The following EPM2A variants were observed in gnomAD, a reference collection of about 807,000 sequenced individuals.
EPM2A encodes the protein laforin.
EPM2A carries 21 observed loss-of-function variants against 26.5 expected under a neutral mutation model. The ratio of observed to expected loss-of-function variants is 0.79; its 90% confidence interval spans 0.56 to 1.14. The LOEUF (loss-of-function observed/expected upper bound fraction) is 1.14, where lower values mean the gene tolerates loss of function less well. EPM2A is among the 50% of genes most tolerant of loss of function. The probability of loss-of-function intolerance (pLI) is 0.00; values close to 1 mark genes in which losing one functional copy is unlikely to be tolerated. For missense variants in EPM2A, 458 were observed against 440.8 expected, an observed-to-expected ratio of 1.04 and a Z score of -0.35; for synonymous variants, 217 against 177.6, an observed-to-expected ratio of 1.22 and a Z score of -1.76.
intron 2 of EPM2A, among the ~76,000 whole-genome samples, chr6:145,660,400 A>T (rs961214809): frequency 1.3e-5 from 2 of 152,192 alleles, no homozygotes; most frequent in Non-Finnish European, 2.9e-5. Flanking sequence ...ACAATAATAC[A>T]TATTTTATTT....
intron 2 of EPM2A, among the ~76,000 whole-genome samples, chr6:145,574,683 C>T (rs561153044): frequency 1.1e-4 from 16 of 152,192 alleles, no homozygotes; most frequent in Non-Finnish European, 2.2e-4. Flanking sequence ...CTATATTAAA[C>T]CAAGGAAGAT....
intron 2 of EPM2A, among the ~76,000 whole-genome samples, chr6:145,562,126 AG>A (rs1391983541): frequency 1.8e-5 from 2 of 108,898 alleles, no homozygotes; most frequent in Non-Finnish European, 4.1e-5. Flanking sequence ...GATTACAAAA[AG>A]GAAAAAAAAA....
intron 2 of EPM2A, among the ~76,000 whole-genome samples, chr6:145,557,641 T>C (rs996344848): frequency 1.3e-5 from 2 of 152,122 alleles, no homozygotes; most frequent in African/African-American, 2.4e-5. Context: ...ATATTTACTG[T>C]GTGCCCACAT....
At chr6:145,680,343 T>TC (rs1780415780) in intron 2 of EPM2A, among the ~76,000 whole-genome samples, 1 of 150,768 alleles carries the variant, frequency 6.6e-6, no homozygotes, top group Non-Finnish European at 1.5e-5. Flanking sequence ...TAATTTCTTT[T>TC]TTTTTTCTGC....
intron 2 of EPM2A, among the ~76,000 whole-genome samples, chr6:145,595,040 C>T (rs1781323913): frequency 1.3e-5 from 2 of 151,590 alleles, no homozygotes. Flanking sequence ...TTAGGCCATA[C>T]TTTTTAAAAT....
At chr6:145,408,310 C>G (rs1291646671) in intron 4 of EPM2A, among the ~76,000 whole-genome samples, 1 of 152,094 alleles carries the variant, frequency 6.6e-6, no homozygotes, top group Non-Finnish European at 1.5e-5. Flanking sequence ...ACCCAGCACC[C>G]TTTCTCTTTG....
chr6:145,514,233 G>A (rs1258335808), intron 2 of EPM2A, among the ~76,000 whole-genome samples: 1 of 152,186 alleles, frequency 6.6e-6, no homozygotes, highest in Non-Finnish European at 1.5e-5. Flanking sequence ...TTGCAAGGGA[G>A]TGTTGGTATT....
At chr6:145,502,482 G>A (rs1779904560) in intron 3 of EPM2A, 1 of 468,384 alleles carries the variant, frequency 2.1e-6, no homozygotes, top group Admixed American at 2.3e-5. Context: ...ACAGCCAGCT[G>A]AGGAAGCTGC....
intron 4 of EPM2A, among the ~76,000 whole-genome samples, chr6:145,478,275 A>C (rs539061887): frequency 1.3e-5 from 2 of 152,018 alleles, no homozygotes; most frequent in South Asian, 4.1e-4. Context: ...GAAGTTGAAG[A>C]GGACACCAAA....
rs2235482 is a variant in EPM2A, at chr6:145,735,340, G to T, written c.159C>A (p.Ala53=). The T allele has an allele frequency of 5.0e-6, 7 of 1,389,224 alleles. No homozygotes were observed. The highest frequency in any genetic ancestry group is 6.6e-6 in the Non-Finnish European group (7 of 1,064,858). 86.1% of individuals were successfully genotyped at this position (1,389,224 alleles called of 1,614,324 possible). The change falls in exon 1 of 4, where the codon GCC becomes GCA. Residue 53 remains alanine, a synonymous_variant. Coordinates refer to ENST00000367519, the MANE Select transcript of EPM2A (RefSeq NM_005670.4). ...CGAGCCACAGGCCCGGCTCCTGCAGGGCCAGGGCCCCGTCGCCCGCCGCGG... is the reference window on the plus strand; with the variant it reads ...CGAGCCACAGGCCCGGCTCCTGCAGTGCCAGGGCCCCGTCGCCCGCCGCGG... ...AGTAAGDGAL[A]LQEPGLWLGE...
intron 2 of EPM2A, among the ~76,000 whole-genome samples, chr6:145,672,213 T>A (rs1048538250): frequency 6.6e-6 from 1 of 152,166 alleles, no homozygotes; most frequent in African/African-American, 2.4e-5. Context: ...ATTTACCAAG[T>A]TTTATATTTT....
intron 2 of EPM2A, among the ~76,000 whole-genome samples, chr6:145,580,768 G>A (rs768785304): frequency 1.3e-5 from 2 of 152,088 alleles, no homozygotes; most frequent in Non-Finnish European, 2.9e-5. Context: ...AGAACATGTC[G>A]TATTTGGTTT....
chr6:145,501,561 A>G (rs1779890297), downstream of EPM2A: 1 of 298,518 alleles, frequency 3.3e-6, no homozygotes, highest in Admixed American at 4.3e-5. Context: ...CCAAAGCACA[A>G]AGCTGAGCTT....
chr6:145,422,396 A>G (rs1778801364), intron 4 of EPM2A, among the ~76,000 whole-genome samples: 1 of 149,730 alleles, frequency 6.7e-6, no homozygotes, highest in Non-Finnish European at 1.5e-5. Flanking sequence ...GGGATACACT[A>G]TTTTTTCTTT....
At chr6:145,453,602 T>C (rs986879378) in intron 4 of EPM2A, among the ~76,000 whole-genome samples, 1 of 152,098 alleles carries the variant, frequency 6.6e-6, no homozygotes, top group Non-Finnish European at 1.5e-5. Flanking sequence ...TTAAGGAGAG[T>C]AGAATTTCCT....
intron 4 of EPM2A, among the ~76,000 whole-genome samples, chr6:145,460,016 C>A (rs1779309612): frequency 1.3e-5 from 2 of 152,156 alleles, no homozygotes; most frequent in African/African-American, 4.8e-5. Context: ...ACATAGAATT[C>A]CATAACTTAA....
At chr6:145,489,703 CT>C in intron 4 of EPM2A, 1 of 1,419,420 alleles carries the variant, frequency 7.0e-7, no homozygotes. Flanking sequence ...TGTTGGCTTG[CT>C]CTCTAATCCT....
At chr6:145,514,484 T>C (rs1019957944) in intron 2 of EPM2A, among the ~76,000 whole-genome samples, 2 of 152,208 alleles carry the variant, frequency 1.3e-5, no homozygotes, top group Admixed American at 1.3e-4. Flanking sequence ...TTTATTGATA[T>C]ATGTACATTT....
chr6:145,700,609 G>C (rs1781859965), intron 1 of EPM2A, among the ~76,000 whole-genome samples: 1 of 152,048 alleles, frequency 6.6e-6, no homozygotes, highest in Non-Finnish European at 1.5e-5. Context: ...TGAGGCAGAA[G>C]GAGATAACTT....
Sources: allele counts gnomAD v4.1 joint callset (sites outside exome capture counted in the v4.1 genomes callset), GRCh38; gene constraint gnomAD v4.1.1; transcripts MANE v1.5; gene names NCBI Gene and HGNC (gene_info 2026-07-23, HGNC 2026-07-21).